The following TKFC variants were observed in gnomAD, a reference collection of about 807,000 sequenced individuals.
TKFC encodes triokinase and FMN cyclase.
TKFC carries 46 observed loss-of-function variants against 61.0 expected under a neutral mutation model. That is an observed-to-expected ratio of 0.75 (90% CI 0.60 to 0.96). The LOEUF (loss-of-function observed/expected upper bound fraction) is 0.96, where lower values mean the gene tolerates loss of function less well. Among genes scored for constraint, TKFC ranks in the 50% least tolerant of loss-of-function variants. TKFC has a pLI of 0.00. For synonymous variants in TKFC, 314 were observed against 330.1 expected, an observed-to-expected ratio of 0.95 and a Z score of 0.53; for missense variants, 715 against 777.5, an observed-to-expected ratio of 0.92 and a Z score of 0.96.
chr11:61,342,176 C>A, intron 7 of TKFC: 1 of 610,280 alleles, frequency 1.6e-6, no homozygotes, highest in Non-Finnish European at 2.9e-6. Flanking sequence ...CCTGTCCCTG[C>A]CAGAATACAC....
At position 61,333,282 on chromosome 11, in the gene TKFC, C is replaced by G. The variant is rs1029373767; in HGVS notation, c.-157C>G. 6 of 255,084 alleles carry G rather than the reference C, an allele frequency of 2.4e-5. No individual in the cohort carries two copies. The highest frequency in any genetic ancestry group is 4.4e-5 in the Non-Finnish European group (6 of 134,840). 15.8% of individuals were successfully genotyped at this position (255,084 alleles called of 1,614,324 possible). On this transcript the variant is annotated 5_prime_UTR_variant, in exon 1 of 18. Coordinates refer to ENST00000394900, the MANE Select transcript of TKFC (RefSeq NM_015533.4). The stretch of plus-strand genomic sequence containing the variant: ...GCACGCTTCGGGGTCTCCGGGAAGT[C>G]GCGGCGCCTTCGGATGTGGCGGATG...
rs1857235363 is a variant in TKFC at position 61,348,204 on chromosome 11, C to T, written c.*1701C>T. 1.0e-6 allele frequency: 1 copy of T among 985,406 alleles called. No individual in the cohort carries two copies. 61.0% of individuals were successfully genotyped at this position (985,406 alleles called of 1,614,324 possible). Reference sequence around the variant, plus strand: ...CATTTCCTGGCTGGGTGACCTCAACCTAGTCACCCTTTTTGAGTCTTGTTT... The same window carrying T: ...CATTTCCTGGCTGGGTGACCTCAACTTAGTCACCCTTTTTGAGTCTTGTTT... On this transcript the variant is annotated 3_prime_UTR_variant, in exon 18 of 18. Transcript: ENST00000394900.
At chr11:61,338,982 C>T (rs768751824) in intron 3 of TKFC, 84 bp from the exon 4 acceptor site, 17 of 1,214,800 alleles carry the variant, frequency 1.4e-5, no homozygotes, top group Non-Finnish European at 1.9e-5. Flanking sequence ...CTCACCAAAC[C>T]ATGACCCCCG....
chr11:61,347,379 C>CA lies in TKFC; in HGVS notation c.*882dup. ...CAACATGGTAAAACCCTGTCTCTAC[C>CA]AAAAAATACAAAATTAGCCAGGCAT... On this transcript the variant is annotated 3_prime_UTR_variant, in exon 18 of 18. Transcript: ENST00000394900. 1 of 869,586 alleles carries CA rather than the reference C, an allele frequency of 1.1e-6. No homozygotes were observed. The highest frequency in any genetic ancestry group is 1.4e-6 in the Non-Finnish European group (1 of 724,696). The allele number at this position is 869,586 out of a possible 1,614,324, so 53.9% of individuals were successfully genotyped here.
At chr11:61,345,134 AGGGATCTT>A in intron 13 of TKFC, 118 bp from the exon 14 acceptor site, 1 of 780,436 alleles carries the variant, frequency 1.3e-6, no homozygotes, top group East Asian at 2.7e-5. Flanking sequence ...GGATGTGGAA[AGGGATCTT>A]GGGAAGCCTT....
downstream of TKFC, chr11:61,349,665 G>A (rs774014018): frequency 4.3e-5 from 30 of 702,534 alleles, no homozygotes; most frequent in South Asian, 1.2e-4. Context: ...GGAGCCGCAC[G>A]GTCACAATAC....
In TKFC at chr11:61,346,961, A is replaced by G; in HGVS notation, c.*458A>G. ...CTGAGGGACCTTTTCCCAAGCATGT[A>G]AACAAGGGGGCCCACAGCCCTGGCT... On this transcript the variant is annotated 3_prime_UTR_variant, in exon 18 of 18. Coordinates refer to ENST00000394900, the MANE Select transcript of TKFC (RefSeq NM_015533.4). The surrounding 1 kb of genome is among the most constrained non-coding windows in gnomAD (Gnocchi z 4.1). 2.0e-6 allele frequency: 2 copies of G among 987,494 alleles called. No individual in the cohort carries two copies. Among genetic ancestry groups the G allele is most frequent in the Non-Finnish European group, 2.4e-6 (2 of 831,236 alleles). The allele number at this position is 987,494 out of a possible 1,614,324, so 61.2% of individuals were successfully genotyped here. A position where few individuals can be genotyped will look rare whatever the true frequency, so the allele number is the denominator to read the frequency against.
Position 61,341,833 on chromosome 11 carries a change from G to A in TKFC, c.576G>A (p.Gly192=), listed in dbSNP as rs117064389. 0.012 allele frequency: 19,971 copies of A among 1,613,880 alleles called. 169 individuals carry two copies. The highest frequency in any genetic ancestry group is 0.016 in the Non-Finnish European group (18,529 of 1,179,842). ...NVVAKAMGTL[G]VSLSSCSVPG... ...CCTTGTTTCTCATAGGTACCCTGGG[G>A]GTGAGCTTATCCTCCTGCAGCGTCC... Residue 192 remains glycine (G), a synonymous_variant, in exon 7 of 18, where the codon GGG becomes GGA. Coordinates refer to ENST00000394900, the MANE Select transcript of TKFC (RefSeq NM_015533.4).
intron 15 of TKFC, 24 bp downstream of exon 15, chr11:61,345,589 G>C: frequency 6.2e-7 from 1 of 1,612,310 alleles, no homozygotes; most frequent in South Asian, 1.1e-5. Context: ...CTGTGCATCA[G>C]ACCAGGGGTG....
chr11:61,334,164 A>G (rs1009493527), intron 1 of TKFC: 2 of 152,928 alleles, frequency 1.3e-5, no homozygotes, highest in Admixed American at 1.3e-4. Flanking sequence ...TGTTACCTGT[A>G]TTACCTTGGA....
At chr11:61,338,954 A>G in intron 3 of TKFC, 112 bp from the exon 4 acceptor site, 1 of 874,070 alleles carries the variant, frequency 1.1e-6, no homozygotes, top group Non-Finnish European at 1.8e-6. Flanking sequence ...ATCTTTGAGC[A>G]CCAAGCACAC....
chr11:61,344,630 C>T (rs947703322), intron 13 of TKFC, among the ~76,000 whole-genome samples: 4 of 152,146 alleles, frequency 2.6e-5, no homozygotes, highest in African/African-American at 9.7e-5. Context: ...TCCCAAAGTG[C>T]TGAGATTACA....
chr11:61,342,937 A>C (rs1441687203), intron 10 of TKFC, 93 bp downstream of exon 10: 1 of 1,312,530 alleles, frequency 7.6e-7, no homozygotes, highest in East Asian at 2.4e-5. Context: ...TGTGCGTCAG[A>C]TAAGCCTGAG....
rs1590706663 is a variant in TKFC, at chr11:61,333,255, G to A, written c.-184G>A. 1.3e-5 allele frequency: 4 copies of A among 308,716 alleles called. No homozygotes were observed. The East Asian group carries it at 2.1e-4, about 16-fold the overall frequency. The allele number at this position is 308,716 out of a possible 1,614,324, so 19.1% of individuals were successfully genotyped here. ...CAGCGCCCGCAGGACCCGGATGAGAGCGCACGCTTCGGGGTCTCCGGGAAG... is the reference window on the plus strand; with the variant it reads ...CAGCGCCCGCAGGACCCGGATGAGAACGCACGCTTCGGGGTCTCCGGGAAG... On this transcript the variant is annotated 5_prime_UTR_variant, in exon 1 of 18. Coordinates refer to ENST00000394900, the MANE Select transcript of TKFC (RefSeq NM_015533.4).
chr11:61,340,862 C>A lies in TKFC; in HGVS notation c.487-574C>A, dbSNP rs185085141. On this transcript the variant is annotated intron_variant, in intron 5 of 17. Transcript: ENST00000394900. ...GCTCTCCCTGATCTCCATCTCCCCA[C>A]TACCCTGAGCTGGTTGGCAGCCAGT... 4.6e-5 allele frequency among the ~76,000 whole-genome samples: 7 copies of A among 152,342 alleles called. No homozygotes were observed. In the East Asian group the frequency reaches 1.3e-3, roughly 29 times the overall value.
chr11:61,351,249 G>A (rs201067594), downstream of TKFC: 390 of 1,270,590 alleles, frequency 3.1e-4, 2 homozygotes, highest in East Asian at 9.0e-3. Context: ...AAACCTTCCC[G>A]GGTCCATATG....
chr11:61,347,016 C>G lies in TKFC; in HGVS notation c.*513C>G, dbSNP rs1857160691. On this transcript the variant is annotated 3_prime_UTR_variant, in exon 18 of 18. Transcript: ENST00000394900. ...GCATCATGACCCATCTTCTACCAGGCAGATCTTTATTACCTGAGCCCCTAA... is the reference window on the plus strand; with the variant it reads ...GCATCATGACCCATCTTCTACCAGGGAGATCTTTATTACCTGAGCCCCTAA... 1 of 986,358 alleles carries G rather than the reference C, an allele frequency of 1.0e-6. No homozygotes were observed. The highest frequency in any genetic ancestry group is 1.2e-6 in the Non-Finnish European group (1 of 830,608). The allele number at this position is 986,358 out of a possible 1,614,324, so 61.1% of individuals were successfully genotyped here. A position where few individuals can be genotyped will look rare whatever the true frequency, so the allele number is the denominator to read the frequency against.
At position 61,346,230 on chromosome 11, in the gene TKFC, T is replaced by C. The variant is rs927385575; in HGVS notation, c.1576-121T>C. The C allele has an allele frequency of 1.3e-6, 2 of 1,554,888 alleles. No individual in the cohort carries two copies. The highest frequency in any genetic ancestry group is 1.7e-6 in the Non-Finnish European group (2 of 1,157,106). ...CATTTGGTGACAGAGCAGAGGGTGC[T>C]GGCAGAGCCAGGGCAAGGGCGTGCA... On this transcript the variant is annotated intron_variant, in intron 17 of 17. Transcript: ENST00000394900. This position sits in a 1 kb window ranked among gnomAD's most constrained non-coding sequence, Gnocchi z 4.1.
intron 3 of TKFC, 82 bp downstream of exon 3, chr11:61,338,212 C>T: frequency 7.5e-7 from 1 of 1,333,140 alleles, no homozygotes; most frequent in Non-Finnish European, 9.9e-7. Context: ...CCATGAAGTG[C>T]AGGATGGAGC....
Sources: allele counts gnomAD v4.1 joint callset (sites outside exome capture counted in the v4.1 genomes callset), GRCh38; gene constraint gnomAD v4.1.1; non-coding constraint Gnocchi (gnomAD v3.1); transcripts MANE v1.5; gene names NCBI Gene and HGNC (gene_info 2026-07-23, HGNC 2026-07-21).